OCA2: variants seen among roughly 807,000 people sequenced by gnomAD.
The protein encoded by OCA2 is P protein.
Under a neutral mutation model 100.2 loss-of-function variants are expected in OCA2, and 77 were observed. That is an observed-to-expected ratio of 0.77 (90% CI 0.64 to 0.93). The LOEUF is 0.93. Ranked by LOEUF, OCA2 falls within the 40% of genes least tolerant of loss-of-function variation. The pLI, the probability that OCA2 is intolerant of heterozygous loss-of-function variation, is 0.00. For synonymous variants in OCA2, 432 were observed against 439.2 expected (o/e 0.98, Z 0.21); for missense variants, 1,062 against 1,089.1 (o/e 0.98, Z 0.35).
chr15:27,895,678 A>G lies in OCA2; in HGVS notation c.2080-23756T>C, dbSNP rs140675726. 2.1e-3 allele frequency: 415 copies of G among 197,926 alleles called. 2 individuals carry two copies. Among genetic ancestry groups the G allele is most frequent in the African/African-American group, 9.4e-3 (399 of 42,498 alleles). 12.3% of individuals were successfully genotyped at this position (197,926 alleles called of 1,614,324 possible). A position where few individuals can be genotyped will look rare whatever the true frequency, so the allele number is the denominator to read the frequency against. ...AAGCAGGGCAGGTCTCTGTTGATCC[A>G]TGGATGGGGATCTCTGTTCCGCAGG... On this transcript the variant is annotated intron_variant, in intron 19 of 23. Transcript: ENST00000354638.
At chr15:27,943,671 T>TA (rs66644405) in intron 18 of OCA2, among the ~76,000 whole-genome samples, 3,527 of 114,806 alleles carry the variant, frequency 0.031, 122 homozygotes, top group African/African-American at 0.095. Context: ...AAGTATAATT[T>TA]AAAAAAAAAA....
At chr15:27,902,217 T>G (rs1020350013) in intron 19 of OCA2, among the ~76,000 whole-genome samples, 3 of 77,730 alleles carry the variant, frequency 3.9e-5, no homozygotes, top group South Asian at 5.0e-4. Context: ...GTTGTTGTTG[T>G]TGTTTTTTTC....
chr15:27,814,696 G>A (rs2034210560), intron 23 of OCA2, among the ~76,000 whole-genome samples: 1 of 152,130 alleles, frequency 6.6e-6, no homozygotes, highest in African/African-American at 2.4e-5. Context: ...TGGCCAACAT[G>A]GCAAAACCCC....
At chr15:27,871,386 G>C in intron 20 of OCA2, 128 bp from the exon 21 acceptor site, 1 of 733,662 alleles carries the variant, frequency 1.4e-6, no homozygotes, top group Non-Finnish European at 2.4e-6. Flanking sequence ...GACCAAGGCA[G>C]ACATAGGTGT....
chr15:27,732,891 A>T, the OCA2 span, among the ~76,000 whole-genome samples: 6 of 152,300 alleles, frequency 3.9e-5, no homozygotes, highest in African/African-American at 1.4e-4. Flanking sequence ...AACAGGAAGA[A>T]CTCAATTTGA....
chr15:27,784,864 T>C (rs1238978515), intron 23 of OCA2, among the ~76,000 whole-genome samples: 2 of 147,714 alleles, frequency 1.4e-5, no homozygotes, highest in Admixed American at 1.3e-4. Flanking sequence ...GCATGTGTAA[T>C]CAGAATCTAA....
intron 18 of OCA2, among the ~76,000 whole-genome samples, chr15:27,926,998 C>A (rs1329261538): frequency 6.6e-6 from 1 of 152,116 alleles, no homozygotes; most frequent in Non-Finnish European, 1.5e-5. Context: ...TGTTAAGATC[C>A]TTCACTGTTG....
intron 2 of OCA2, among the ~76,000 whole-genome samples, chr15:28,059,192 G>T (rs575605593): frequency 6.6e-6 from 1 of 152,218 alleles, no homozygotes; most frequent in Non-Finnish European, 1.5e-5. Context: ...AGAAGACTGA[G>T]AAGGTGAAGG....
intron 2 of OCA2, among the ~76,000 whole-genome samples, chr15:28,056,050 T>C (rs548058474): frequency 3.3e-5 from 5 of 151,896 alleles, no homozygotes; most frequent in Admixed American, 1.3e-4. Flanking sequence ...TGTCCCCTGG[T>C]CCCCTGCACT....
chr15:27,843,664 C>G (rs1043194986), intron 23 of OCA2, among the ~76,000 whole-genome samples: 2 of 152,124 alleles, frequency 1.3e-5, no homozygotes, highest in Non-Finnish European at 2.9e-5. Flanking sequence ...CCCAAGTCAC[C>G]CAGGAGTGTC....
At chr15:27,872,336 C>T (rs144953295) in intron 19 of OCA2, among the ~76,000 whole-genome samples, 35 of 152,316 alleles carry the variant, frequency 2.3e-4, no homozygotes, top group African/African-American at 8.2e-4. Context: ...ATTTTTAATG[C>T]AGTTTTTGTA....
At chr15:28,014,216 C>T (rs967977243) in intron 9 of OCA2, among the ~76,000 whole-genome samples, 2 of 152,230 alleles carry the variant, frequency 1.3e-5, no homozygotes, top group African/African-American at 2.4e-5. Context: ...CACATTGCTT[C>T]GTGCTATTGA....
intron 23 of OCA2, among the ~76,000 whole-genome samples, chr15:27,844,533 CAG>C (rs1180272664): frequency 5.3e-5 from 8 of 152,020 alleles, no homozygotes; most frequent in African/African-American, 1.9e-4. Flanking sequence ...TTTCTTGAGA[CAG>C]AGTCTCACTT....
intron 8 of OCA2, 60 bp downstream of exon 8, chr15:28,016,044 T>C (rs2042380403): frequency 7.4e-7 from 1 of 1,353,818 alleles, no homozygotes; most frequent in Non-Finnish European, 1.1e-6. Flanking sequence ...TAGGTCAGAC[T>C]CCTTTAAACG....
intron 2 of OCA2, among the ~76,000 whole-genome samples, chr15:28,077,949 G>A (rs2141860797): frequency 6.6e-6 from 1 of 152,226 alleles, no homozygotes; most frequent in East Asian, 1.9e-4. Context: ...ATGTGGTGGC[G>A]AGTGCCTGTA....
At chr15:27,804,308 A>G (rs1049670143) in intron 23 of OCA2, among the ~76,000 whole-genome samples, 3 of 152,196 alleles carry the variant, frequency 2.0e-5, no homozygotes, top group African/African-American at 4.8e-5. Context: ...TATTTTGCTC[A>G]TTGATTGTGA....
intron 19 of OCA2, among the ~76,000 whole-genome samples, chr15:27,900,442 T>TTC (rs767315570): frequency 6.6e-6 from 1 of 152,094 alleles, no homozygotes; most frequent in African/African-American, 2.4e-5. Context: ...CGTCCTGAAT[T>TTC]TCTCTCTCTC....
chr15:27,923,452 T>C (rs2038937924), intron 19 of OCA2, among the ~76,000 whole-genome samples: 1 of 152,224 alleles, frequency 6.6e-6, no homozygotes, highest in African/African-American at 2.4e-5. Flanking sequence ...CTTTCTACAA[T>C]GGTTGAACTA....
chr15:27,896,163 G>T, intron 19 of OCA2: 1 of 935,174 alleles, frequency 1.1e-6, no homozygotes, highest in Non-Finnish European at 1.7e-6. Context: ...CAGTGGCAAT[G>T]AAGTTTTTGG....
Sources: allele counts gnomAD v4.1 joint callset (sites outside exome capture counted in the v4.1 genomes callset), GRCh38; gene constraint gnomAD v4.1.1; transcripts MANE v1.5; gene names NCBI Gene and HGNC (gene_info 2026-07-23, HGNC 2026-07-21).